Variants in CCDC15 observed in about 807,000 individuals in gnomAD.
CCDC15 encodes the protein coiled-coil domain-containing protein 15.
Under a neutral mutation model 114.5 loss-of-function variants are expected in CCDC15, and 105 were observed. The observed-to-expected ratio is 0.92, with a 90% CI of 0.78 to 1.08. The LOEUF (loss-of-function observed/expected upper bound fraction) is 1.08. CCDC15 is among the 50% of genes least tolerant of loss of function. The pLI is 0.00. For synonymous variants in CCDC15, 334 were observed against 377.8 expected (o/e 0.88, Z 1.34); for missense variants, 1,105 against 1,093.6 (o/e 1.01, Z -0.15).
intron 13 of CCDC15, among the ~76,000 whole-genome samples, chr11:125,030,462 G>A (rs1402860940): frequency 6.6e-6 from 1 of 152,154 alleles, no homozygotes; most frequent in Non-Finnish European, 1.5e-5. Flanking sequence ...ATACCATGAC[G>A]GTGGATAAGG....
intron 6 of CCDC15, among the ~76,000 whole-genome samples, chr11:124,979,933 A>G (rs1418630615): frequency 6.6e-6 from 1 of 151,982 alleles, no homozygotes; most frequent in African/African-American, 2.4e-5. Context: ...TTTTATTTTG[A>G]AGTATATTCC....
intron 4 of CCDC15, among the ~76,000 whole-genome samples, chr11:124,963,971 T>G (rs1947720485): frequency 1.3e-5 from 2 of 152,218 alleles, no homozygotes; most frequent in Non-Finnish European, 2.9e-5. Context: ...GTGTTATTTC[T>G]GAGGCCTCTG....
intron 11 of CCDC15, among the ~76,000 whole-genome samples, chr11:125,001,762 A>G (rs770127553): frequency 6.6e-6 from 1 of 152,170 alleles, no homozygotes; most frequent in African/African-American, 2.4e-5. Context: ...AAAATATTCC[A>G]TTTTGTGCAT....
In CCDC15 at chr11:124,963,510, T is replaced by G. The variant is rs192073567; in HGVS notation, c.516+3507T>G. ...GATTGTTTGATTTTTTCTTGTAAAT[T>G]TGTGTAAGTTCTTTGTAGATTCTGG... On this transcript the variant is annotated intron_variant, in intron 4 of 15. Transcript: ENST00000344762. 6.1e-3 allele frequency among the ~76,000 whole-genome samples: 925 copies of G among 152,352 alleles called. 12 individuals are homozygous for G. Among genetic ancestry groups the G allele is most frequent in the African/African-American group, 0.021 (884 of 41,580 alleles).
At chr11:124,973,775 G>A (rs566441560) in intron 4 of CCDC15, among the ~76,000 whole-genome samples, 38 of 151,882 alleles carry the variant, frequency 2.5e-4, no homozygotes, top group African/African-American at 8.9e-4. Flanking sequence ...GACTACAGGC[G>A]TGTGCCACTA....
At chr11:124,997,678 A>G (rs1213555134) in intron 11 of CCDC15, among the ~76,000 whole-genome samples, 2 of 152,244 alleles carry the variant, frequency 1.3e-5, no homozygotes, top group Non-Finnish European at 2.9e-5. Flanking sequence ...ATGGTGGCTC[A>G]TGCCTATAAT....
intron 4 of CCDC15, among the ~76,000 whole-genome samples, chr11:124,966,511 C>T (rs1430211738): frequency 6.6e-6 from 1 of 151,652 alleles, no homozygotes; most frequent in East Asian, 1.9e-4. Context: ...CTTCCTCCAT[C>T]CCTTTATTTT....
At chr11:124,981,964 G>A (rs993707414) in intron 6 of CCDC15, among the ~76,000 whole-genome samples, 2 of 152,102 alleles carry the variant, frequency 1.3e-5, no homozygotes, top group Non-Finnish European at 2.9e-5. Flanking sequence ...TATGAATCTG[G>A]TTGCACTTGT....
At chr11:124,992,936 G>C (rs549602154) in intron 10 of CCDC15, among the ~76,000 whole-genome samples, 14 of 152,034 alleles carry the variant, frequency 9.2e-5, no homozygotes, top group Middle Eastern at 3.4e-3. Context: ...GCAAAATGTT[G>C]CTAATTGTTG....
At chr11:124,954,661 TAGG>T (rs1947515741) in intron 1 of CCDC15, 60 bp from the exon 2 acceptor site, 2 of 1,461,904 alleles carry the variant, frequency 1.4e-6, no homozygotes, top group African/African-American at 2.8e-5. Flanking sequence ...GCTCATGTGT[TAGG>T]AGGTTGAACT....
At chr11:124,983,641 C>A (rs1358721083) in intron 6 of CCDC15, among the ~76,000 whole-genome samples, 1 of 152,124 alleles carries the variant, frequency 6.6e-6, no homozygotes, top group Non-Finnish European at 1.5e-5. Context: ...AGGTTAGGAA[C>A]CTGCCACACT....
chr11:124,990,215 G>T (rs143362350), intron 8 of CCDC15, among the ~76,000 whole-genome samples: 4 of 152,224 alleles, frequency 2.6e-5, no homozygotes, highest in African/African-American at 9.6e-5. Context: ...GAGGTAGGGG[G>T]GTGGCCAGGT....
chr11:125,011,242 A>ATTTTTTTTT (rs558615124), intron 13 of CCDC15, among the ~76,000 whole-genome samples: 4,458 of 143,374 alleles, frequency 0.031, 105 homozygotes, highest in Middle Eastern at 0.053. Flanking sequence ...TATTATTATT[A>ATTTTTTTTT]TTATTATTTT....
At chr11:125,000,530 AAG>A (rs1338000367) in intron 11 of CCDC15, among the ~76,000 whole-genome samples, 4 of 152,194 alleles carry the variant, frequency 2.6e-5, no homozygotes, top group Non-Finnish European at 5.9e-5. Context: ...CAATGAGAGC[AAG>A]AGAGAGAGCC....
intron 13 of CCDC15, among the ~76,000 whole-genome samples, chr11:125,006,840 T>C (rs1948555637): frequency 6.6e-6 from 1 of 152,190 alleles, no homozygotes; most frequent in Non-Finnish European, 1.5e-5. Context: ...ATTTATGTGG[T>C]TCTGTTTTTT....
chr11:125,020,891 T>G (rs1948656334), intron 13 of CCDC15, among the ~76,000 whole-genome samples: 1 of 151,966 alleles, frequency 6.6e-6, no homozygotes. Flanking sequence ...GCAGCTGTTC[T>G]TAACCTGTGA....
intron 2 of CCDC15, among the ~76,000 whole-genome samples, chr11:124,956,213 A>C (rs746671346): frequency 6.6e-6 from 1 of 152,166 alleles, no homozygotes; most frequent in Non-Finnish European, 1.5e-5. Flanking sequence ...AATTGCTTCA[A>C]AGGTTTTGAA....
chr11:124,996,488 T>C (rs1312533443), intron 11 of CCDC15, among the ~76,000 whole-genome samples: 1 of 152,234 alleles, frequency 6.6e-6, no homozygotes, highest in African/African-American at 2.4e-5. Context: ...CTTTGAGTCC[T>C]CTTTATAAGC....
At position 124,987,885 on chromosome 11, in the gene CCDC15, T is replaced by C. The variant is rs1307793900; in HGVS notation, c.1659T>C (p.Ile553=). ...ATGTTCTCCCCAAAGACTGGAATATTCTACCCAAATGTCAGGACCAGGATT... is the reference window on the plus strand; with the variant it reads ...ATGTTCTCCCCAAAGACTGGAATATCCTACCCAAATGTCAGGACCAGGATT... The part of the protein sequence containing the change: ...DQHVLPKDWN[I]LPKCQDQDFL... Residue 553 remains isoleucine, a synonymous_variant, in exon 8 of 16, where the codon ATT becomes ATC. Coordinates refer to ENST00000344762, the MANE Select transcript of CCDC15 (RefSeq NM_025004.3). 6.2e-7 allele frequency: 1 copy of C among 1,613,982 alleles called. No individual in the cohort carries two copies. Among genetic ancestry groups the C allele is most frequent in the Admixed American group, 1.7e-5 (1 of 60,026 alleles).
Sources: allele counts gnomAD v4.1 joint callset (sites outside exome capture counted in the v4.1 genomes callset), GRCh38; gene constraint gnomAD v4.1.1; transcripts MANE v1.5; gene names NCBI Gene and HGNC (gene_info 2026-07-23, HGNC 2026-07-21).